The following ARHGEF3 variants were observed in gnomAD, a reference collection of about 807,000 sequenced individuals.
ARHGEF3 encodes 59.8 kDA protein.
ARHGEF3 carries 28 observed loss-of-function variants against 63.2 expected under a neutral mutation model. The observed-to-expected ratio is 0.44, with a 90% CI of 0.33 to 0.61. The LOEUF (loss-of-function observed/expected upper bound fraction) is 0.61. Ranked by LOEUF, ARHGEF3 falls within the 20% of genes least tolerant of loss-of-function variation. The probability of loss-of-function intolerance (pLI) is 0.03; values close to 1 mark genes in which losing one functional copy is unlikely to be tolerated. For synonymous variants in ARHGEF3, 266 were observed against 254.2 expected, an observed-to-expected ratio of 1.05 and a Z score of -0.44; for missense variants, 533 against 659.3, an observed-to-expected ratio of 0.81 and a Z score of 2.10.
chr3:56,934,791 C>A (rs569667480), intron 3 of ARHGEF3, among the ~76,000 whole-genome samples: 1 of 152,334 alleles, frequency 6.6e-6, no homozygotes, highest in East Asian at 1.9e-4. Context: ...CCCCGACGAG[C>A]GCCACCCCCT....
intron 4 of ARHGEF3, among the ~76,000 whole-genome samples, chr3:56,822,294 T>C (rs1559969007): frequency 6.6e-6 from 1 of 152,160 alleles, no homozygotes; most frequent in African/African-American, 2.4e-5. Context: ...GCAGGAAATC[T>C]GGGTCAGGCT....
At chr3:56,992,054 G>C (rs1428322524) in intron 2 of ARHGEF3, among the ~76,000 whole-genome samples, 2 of 149,910 alleles carry the variant, frequency 1.3e-5, no homozygotes, top group East Asian at 1.9e-4. Flanking sequence ...GTGTGTGTGT[G>C]TGTGTGTGTG....
At chr3:56,948,968 T>C (rs1699661822) in intron 3 of ARHGEF3, among the ~76,000 whole-genome samples, 1 of 152,022 alleles carries the variant, frequency 6.6e-6, no homozygotes, top group South Asian at 2.1e-4. Context: ...GCAAGGCTGG[T>C]TCAACATACG....
At chr3:56,865,636 A>AG (rs922275042) in intron 4 of ARHGEF3, among the ~76,000 whole-genome samples, 1 of 152,146 alleles carries the variant, frequency 6.6e-6, no homozygotes. Flanking sequence ...GTGGCTAGTG[A>AG]GGTGTGATCT....
rs78768853 is a variant in ARHGEF3 at position 57,075,994 on chromosome 3, A to C, written c.-28+3232T>G. ...AATAGATTAGAATTATATATTAAAA[A>C]ACTTATTTTCAGTTGACTTTCAACC... On this transcript the variant is annotated intron_variant, in intron 1 of 12. Transcript: ENST00000338458. 1.4e-3 allele frequency among the ~76,000 whole-genome samples: 212 copies of C among 152,330 alleles called. 5 individuals are homozygous for C. In the East Asian group the frequency reaches 0.024, roughly 17 times the overall value.
chr3:57,002,500 A>ATATATATATATGTTATATATATATGT (rs1228793339), intron 2 of ARHGEF3, among the ~76,000 whole-genome samples: 2 of 60,120 alleles, frequency 3.3e-5, no homozygotes, highest in African/African-American at 1.2e-4. Context: ...TATATATGTT[A>ATATATATATATGTTATATATATATGT]TATATATATA....
intron 4 of ARHGEF3, among the ~76,000 whole-genome samples, chr3:56,818,165 C>T (rs1186344956): frequency 6.6e-6 from 1 of 152,172 alleles, no homozygotes; most frequent in Non-Finnish European, 1.5e-5. Flanking sequence ...AGAAGTGGAA[C>T]ACATTTGTTA....
intron 3 of ARHGEF3, among the ~76,000 whole-genome samples, chr3:56,930,441 C>A (rs1485122931): frequency 6.6e-6 from 1 of 152,172 alleles, no homozygotes; most frequent in African/African-American, 2.4e-5. Flanking sequence ...GAATGAAAGG[C>A]AGCTGAAGGG....
chr3:56,958,962 A>G, intron 2 of ARHGEF3: 1 of 1,440,860 alleles, frequency 6.9e-7, no homozygotes, highest in Non-Finnish European at 9.6e-7. Context: ...TTTCAAATGC[A>G]GGTTTATCAA....
intron 3 of ARHGEF3, among the ~76,000 whole-genome samples, chr3:56,957,771 G>A (rs985619500): frequency 1.3e-5 from 2 of 152,136 alleles, no homozygotes; most frequent in African/African-American, 4.8e-5. Context: ...TGTGGTGCTA[G>A]GCAAAGAGAG....
At chr3:56,829,123 A>G (rs900209823) in intron 4 of ARHGEF3, among the ~76,000 whole-genome samples, 1 of 152,012 alleles carries the variant, frequency 6.6e-6, no homozygotes, top group African/African-American at 2.4e-5. Context: ...ACGGGGTTCC[A>G]TCATGTTGGC....
chr3:57,062,223 C>T (rs1312303452), intron 1 of ARHGEF3, among the ~76,000 whole-genome samples: 2 of 152,192 alleles, frequency 1.3e-5, no homozygotes, highest in Non-Finnish European at 2.9e-5. Context: ...CCTCGCAGCT[C>T]CACACTCTGG....
At chr3:56,826,554 C>T (rs541793134) in intron 4 of ARHGEF3, among the ~76,000 whole-genome samples, 177 of 152,200 alleles carry the variant, frequency 1.2e-3, no homozygotes, top group Middle Eastern at 3.4e-3. Context: ...TATTTCATAA[C>T]GATATCAAAG....
rs1177029603 is a variant in ARHGEF3 at position 56,986,821 on chromosome 3, G to T, written c.63-27932C>A. Among the ~76,000 whole-genome samples, 8 of 146,372 alleles carry T rather than the reference G, an allele frequency of 5.5e-5. No individual in the cohort carries two copies. The South Asian group carries it at 1.3e-3, about 24-fold the overall frequency. ...GCATGCGAATTTTGAAAAAAAAAAA[G>T]ATAAAAATAAAAATAGGTCTGGAGT... On this transcript the variant is annotated intron_variant, in intron 2 of 12. Transcript: ENST00000338458.
intron 2 of ARHGEF3, among the ~76,000 whole-genome samples, chr3:56,970,977 G>A (rs1035812017): frequency 6.6e-6 from 1 of 152,166 alleles, no homozygotes; most frequent in Non-Finnish European, 1.5e-5. Context: ...GTTAATATAC[G>A]TAAAGCTCTT....
At chr3:56,881,683 C>A (rs1455911920) in intron 4 of ARHGEF3, among the ~76,000 whole-genome samples, 1 of 152,080 alleles carries the variant, frequency 6.6e-6, no homozygotes, top group Non-Finnish European at 1.5e-5. Context: ...TGGTGGGTGC[C>A]CAGTATGTAC....
At chr3:57,026,960 C>T (rs759555876) in intron 2 of ARHGEF3, among the ~76,000 whole-genome samples, 1 of 151,796 alleles carries the variant, frequency 6.6e-6, no homozygotes, top group Non-Finnish European at 1.5e-5. Context: ...ATAGTAGGTA[C>T]TCAAATAACT....
intron 2 of ARHGEF3, among the ~76,000 whole-genome samples, chr3:56,999,705 C>T (rs549691704): frequency 3.6e-4 from 54 of 152,088 alleles, no homozygotes; most frequent in Non-Finnish European, 6.6e-4. Context: ...GATGAAGCAG[C>T]AGGATTGCTT....
At chr3:56,949,333 T>C (rs1297632589) in intron 3 of ARHGEF3, among the ~76,000 whole-genome samples, 2 of 151,826 alleles carry the variant, frequency 1.3e-5, no homozygotes, top group African/African-American at 2.4e-5. Context: ...AAAGAGGAAG[T>C]CAAATTGTCC....
Sources: gnomAD v4.1 joint callset for allele counts (sites outside exome capture counted in the v4.1 genomes callset) on GRCh38, gnomAD v4.1.1 for gene constraint, MANE v1.5 for transcripts, NCBI Gene and HGNC (gene_info 2026-07-23, HGNC 2026-07-21) for gene names.